The following BACC1 variants were observed in gnomAD, a reference collection of about 807,000 sequenced individuals.
BACC1 encodes BPTF-associated chromatin complex component 1.
chr17:7,015,863 A>G, the BACC1 span: 2 of 1,614,058 alleles, frequency 1.2e-6, no homozygotes, highest in Admixed American at 1.7e-5. Context: ...TGTGTCATCA[A>G]GGAACGGACA....
chr17:7,016,635 G>C, the BACC1 span: 2 of 1,613,982 alleles, frequency 1.2e-6, no homozygotes, highest in Non-Finnish European at 1.7e-6. Flanking sequence ...CCTCCCAGCA[G>C]CTCCAGTGTC....
chr17:7,015,284 T>G, the BACC1 span: 3 of 1,396,408 alleles, frequency 2.1e-6, no homozygotes, highest in Non-Finnish European at 2.8e-6. Context: ...ACAGAGTCGG[T>G]GTTAATAAAT....
chr17:7,015,289 A>G, the BACC1 span: 1 of 1,397,638 alleles, frequency 7.2e-7, no homozygotes, highest in South Asian at 1.5e-5. Flanking sequence ...GTCGGTGTTA[A>G]TAAATGATCG....
chr17:7,015,496 G>A, the BACC1 span: 5 of 1,372,294 alleles, frequency 3.6e-6, no homozygotes, highest in African/African-American at 1.5e-5. Context: ...TGGCGAGTTG[G>A]TTTCAGTGTG....
the BACC1 span, chr17:7,016,596 G>A: frequency 6.2e-7 from 1 of 1,614,152 alleles, no homozygotes. Context: ...GTGGCATCTG[G>A]TGTCTTGTCA....
At chr17:7,015,949 CA>C in the BACC1 span, 3 of 1,269,692 alleles carry the variant, frequency 2.4e-6, no homozygotes. Context: ...CCATCGTCCT[CA>C]GAACTCCTTT....
At chr17:7,015,905 G>A in the BACC1 span, 3 of 1,586,216 alleles carry the variant, frequency 1.9e-6, no homozygotes, top group Non-Finnish European at 2.6e-6. Flanking sequence ...AGAAAAGGGC[G>A]GGTGGGCAGC....
At chr17:7,015,922 C>T in the BACC1 span, 1 of 1,505,240 alleles carries the variant, frequency 6.6e-7, no homozygotes, top group East Asian at 2.3e-5. Flanking sequence ...CAGCCTTCTT[C>T]CTCCTTACCC....
the BACC1 span, chr17:7,016,530 A>G: frequency 6.2e-7 from 1 of 1,614,132 alleles, no homozygotes; most frequent in East Asian, 2.2e-5. Context: ...CGCAAGGTAT[A>G]TGAAGATTCT....
the BACC1 span, chr17:7,014,810 C>G: frequency 6.6e-7 from 1 of 1,524,148 alleles, no homozygotes. The surrounding 1 kb of genome is among the most constrained non-coding windows in gnomAD (Gnocchi z 4.5). Context: ...GGTCCCGGCT[C>G]GCGTGTAGCG....
the BACC1 span, chr17:7,015,227 C>G: frequency 6.8e-7 from 1 of 1,480,314 alleles, no homozygotes; most frequent in Non-Finnish European, 8.9e-7. Context: ...CACGGACCCT[C>G]TCTAGCACAG....
At chr17:7,016,111 T>C in the BACC1 span, 535 of 543,856 alleles carry the variant, frequency 9.8e-4, 3 homozygotes, top group South Asian at 6.5e-4. Flanking sequence ...GATGCTGTTA[T>C]TGTATTTGAT....
the BACC1 span, chr17:7,017,456 C>T: frequency 1.2e-6 from 1 of 818,342 alleles, no homozygotes; most frequent in Non-Finnish European, 2.1e-6. Flanking sequence ...GCATCTGCCC[C>T]CAACCCCTTT....
At chr17:7,015,297 T>A in the BACC1 span, 1 of 1,388,638 alleles carries the variant, frequency 7.2e-7, no homozygotes, top group Non-Finnish European at 9.3e-7. Flanking sequence ...TAATAAATGA[T>A]CGTTGGGTGA....
the BACC1 span, chr17:7,016,273 G>A: frequency 1.8e-6 from 1 of 565,390 alleles, no homozygotes; most frequent in Non-Finnish European, 3.1e-6. Flanking sequence ...AAGAGAATTA[G>A]GAGATGGGCC....
At chr17:7,015,359 T>G in the BACC1 span, 2 of 1,370,234 alleles carry the variant, frequency 1.5e-6, no homozygotes, top group Non-Finnish European at 1.9e-6. Context: ...CAGACTCCTG[T>G]TTCACAGTTC....
chr17:7,015,355 C>G, the BACC1 span: 2 of 1,370,598 alleles, frequency 1.5e-6, no homozygotes, highest in Non-Finnish European at 9.4e-7. Flanking sequence ...AGCCCAGACT[C>G]CTGTTTCACA....
chr17:7,016,846 A>G, the BACC1 span: 5 of 1,554,360 alleles, frequency 3.2e-6, no homozygotes, highest in African/African-American at 1.4e-5. Flanking sequence ...AAGCTTTGGG[A>G]AGCTTGGGGC....
the BACC1 span, chr17:7,016,136 GGTTA>G: frequency 1.9e-6 from 1 of 524,428 alleles, no homozygotes; most frequent in African/African-American, 1.9e-5. Context: ...GAAGTCCCCT[GGTTA>G]TTTATATAAA....
Sources: allele counts gnomAD v4.1 joint callset, GRCh38; gene constraint gnomAD v4.1.1; non-coding constraint Gnocchi (gnomAD v3.1); transcripts MANE v1.5; gene names NCBI Gene and HGNC (gene_info 2026-07-23, HGNC 2026-07-21).